The following RFX3 variants were observed in gnomAD, a reference collection of about 807,000 sequenced individuals.
The protein encoded by RFX3 is transcription factor RFX3.
A neutral mutation model predicts 98.6 loss-of-function variants in RFX3; 14 were observed. That is an observed-to-expected ratio of 0.14 (90% CI 0.09 to 0.22). RFX3 has a LOEUF of 0.22. RFX3 is among the 10% of genes least tolerant of loss of function. The pLI, the probability that RFX3 is intolerant of heterozygous loss-of-function variation, is 1.00. For synonymous variants in RFX3, 383 were observed against 328.4 expected, an observed-to-expected ratio of 1.17 and a Z score of -1.80; for missense variants, 639 against 926.9, an observed-to-expected ratio of 0.69 and a Z score of 4.03.
intron 1 of RFX3, among the ~76,000 whole-genome samples, chr9:3,400,987 T>C (rs1226357052): frequency 6.6e-6 from 1 of 152,218 alleles, no homozygotes; most frequent in Non-Finnish European, 1.5e-5. Context: ...AATATCATGA[T>C]GATAGGGCTT....
chr9:3,496,021 T>C (rs1213728181), intron 1 of RFX3, among the ~76,000 whole-genome samples: 2 of 152,128 alleles, frequency 1.3e-5, no homozygotes, highest in South Asian at 2.1e-4. Context: ...CAAACTTTTA[T>C]GTGACTCCAC....
chr9:3,239,090 A>G (rs1003691794), intron 15 of RFX3, among the ~76,000 whole-genome samples: 2 of 152,158 alleles, frequency 1.3e-5, no homozygotes, highest in African/African-American at 4.8e-5. Flanking sequence ...GAAAAGAAAC[A>G]TCTTGAAATT....
chr9:3,317,192 T>C (rs199626545), intron 4 of RFX3, among the ~76,000 whole-genome samples: 33 of 152,082 alleles, frequency 2.2e-4, no homozygotes, highest in Admixed American at 1.5e-3. Flanking sequence ...TGGAACAGAA[T>C]AGAGCCCTCA....
At chr9:3,381,887 T>TTA (rs1564018154) in intron 2 of RFX3, among the ~76,000 whole-genome samples, 1 of 152,120 alleles carries the variant, frequency 6.6e-6, no homozygotes, top group Non-Finnish European at 1.5e-5. Flanking sequence ...AAATAAAAAG[T>TTA]TATATATATT....
intron 4 of RFX3, among the ~76,000 whole-genome samples, chr9:3,306,864 G>C (rs995874441): frequency 6.6e-6 from 1 of 152,060 alleles, no homozygotes; most frequent in East Asian, 1.9e-4. Flanking sequence ...GTAGGTTCAA[G>C]GAAGGGTAAG....
At chr9:3,454,176 A>C (rs540085984) in intron 1 of RFX3, among the ~76,000 whole-genome samples, 3 of 152,304 alleles carry the variant, frequency 2.0e-5, no homozygotes, top group Admixed American at 6.5e-5. Flanking sequence ...TTTTACCCTG[A>C]TTTCTACTTT....
At chr9:3,373,455 GT>G (rs1349633840) in intron 2 of RFX3, among the ~76,000 whole-genome samples, 1 of 152,046 alleles carries the variant, frequency 6.6e-6, no homozygotes, top group Non-Finnish European at 1.5e-5. Context: ...CACCTATGTA[GT>G]TTAAGAAAAC....
At position 3,225,290 on chromosome 9, in the gene RFX3, C is replaced by T. The variant is rs761282586; in HGVS notation, c.2012-10G>A. 1 of 1,612,252 alleles carries T rather than the reference C, an allele frequency of 6.2e-7. No homozygotes were observed. The highest frequency in any genetic ancestry group is 8.5e-7 in the Non-Finnish European group (1 of 1,179,622). Reference sequence around the variant, plus strand: ...ACTTCACTGCCTTCATCTGCACAAACAAATAATACCAAGACTATCATCGAA... The same window carrying T: ...ACTTCACTGCCTTCATCTGCACAAATAAATAATACCAAGACTATCATCGAA... On this transcript the variant is annotated splice_polypyrimidine_tract_variant and intron_variant, in intron 16 of 16. Coordinates refer to ENST00000617270, the MANE Select transcript of RFX3 (RefSeq NM_001282116.2).
intron 1 of RFX3, among the ~76,000 whole-genome samples, chr9:3,524,850 CA>C (rs1819070115): frequency 2.2e-5 from 3 of 136,874 alleles, no homozygotes; most frequent in Admixed American, 7.3e-5. Flanking sequence ...CACACACACA[CA>C]CACACACACA....
chr9:3,489,497 A>T, intron 1 of RFX3: 1 of 785,012 alleles, frequency 1.3e-6, no homozygotes, highest in Non-Finnish European at 1.5e-6. Flanking sequence ...TAGGGGAATT[A>T]TGACATCAGC....
chr9:3,277,253 G>T, intron 8 of RFX3, 87 bp downstream of exon 8: 1 of 1,376,206 alleles, frequency 7.3e-7, no homozygotes, highest in South Asian at 1.3e-5. Context: ...CTATGTCATT[G>T]ACATCTATAA....
intron 15 of RFX3, among the ~76,000 whole-genome samples, chr9:3,244,373 A>AAC (rs1171660761): frequency 3.3e-5 from 5 of 152,264 alleles, no homozygotes; most frequent in African/African-American, 1.2e-4. Context: ...GTGAGTTATT[A>AAC]ACATATATAT....
In RFX3 at chr9:3,221,321, A is replaced by T. The variant is rs188569764; in HGVS notation, c.*3721T>A. The T allele has an allele frequency of 6.6e-6, 1 of 152,306 alleles. No homozygotes were observed. Among genetic ancestry groups the T allele is most frequent in the East Asian group, 1.9e-4 (1 of 5,184 alleles). The allele number at this position is 152,306 out of a possible 1,614,324, so 9.4% of individuals were successfully genotyped here. On this transcript the variant is annotated 3_prime_UTR_variant, in exon 17 of 17. Coordinates refer to ENST00000617270, the MANE Select transcript of RFX3 (RefSeq NM_001282116.2). Reference sequence around the variant, plus strand: ...ACAGTGCATTCATATAAAAAGATTCATGATTACGGCACTAAAACCGTATTC... The same window carrying T: ...ACAGTGCATTCATATAAAAAGATTCTTGATTACGGCACTAAAACCGTATTC...
chr9:3,255,106 A>G (rs1014585942), intron 14 of RFX3, among the ~76,000 whole-genome samples: 1 of 152,226 alleles, frequency 6.6e-6, no homozygotes, highest in Non-Finnish European at 1.5e-5. Flanking sequence ...CGTAAGGATA[A>G]TTTAACTCTT....
intron 1 of RFX3, among the ~76,000 whole-genome samples, chr9:3,487,765 G>A (rs1458551813): frequency 1.3e-5 from 2 of 152,102 alleles, no homozygotes; most frequent in Admixed American, 1.3e-4. Flanking sequence ...CTCCAAAGGT[G>A]TCCCCTGAAA....
intron 2 of RFX3, among the ~76,000 whole-genome samples, chr9:3,359,353 T>C (rs1836148738): frequency 6.6e-6 from 1 of 152,090 alleles, no homozygotes; most frequent in Admixed American, 6.6e-5. Context: ...GTTATTTGTT[T>C]TGTTGTTGTT....
intron 1 of RFX3, among the ~76,000 whole-genome samples, chr9:3,418,432 T>A (rs1002208703): frequency 1.3e-5 from 2 of 151,940 alleles, no homozygotes; most frequent in South Asian, 2.1e-4. Context: ...CAGGCTGGAG[T>A]ACAGTGGCAC....
At position 3,222,675 on chromosome 9, in the gene RFX3, C is replaced by T. The variant is rs144733603; in HGVS notation, c.*2367G>A. On this transcript the variant is annotated 3_prime_UTR_variant, in exon 17 of 17. Coordinates refer to ENST00000617270, the MANE Select transcript of RFX3 (RefSeq NM_001282116.2). ...TTTCAATTTTTGATTTTAATTTTAC[C>T]TGTAAACACTTCCTATGCACAATGA... 2.0e-5 allele frequency: 3 copies of T among 152,148 alleles called. No homozygotes were observed. Among genetic ancestry groups the T allele is most frequent in the African/African-American group, 7.2e-5 (3 of 41,518 alleles). 9.4% of individuals were successfully genotyped at this position (152,148 alleles called of 1,614,324 possible).
At chr9:3,370,282 C>T (rs977314101) in intron 2 of RFX3, among the ~76,000 whole-genome samples, 16 of 151,288 alleles carry the variant, frequency 1.1e-4, no homozygotes, top group Non-Finnish European at 2.2e-4. Context: ...AATTATTTAT[C>T]CTCAGAAAAC....
Sources: allele counts gnomAD v4.1 joint callset (sites outside exome capture counted in the v4.1 genomes callset), GRCh38; gene constraint gnomAD v4.1.1; transcripts MANE v1.5; gene names NCBI Gene and HGNC (gene_info 2026-07-23, HGNC 2026-07-21).